The following ROS1 variants were observed in gnomAD, a reference collection of about 807,000 sequenced individuals.
ROS1 encodes the protein ROS proto-oncogene 1, receptor tyrosine kinase.
A neutral mutation model predicts 273.5 loss-of-function variants in ROS1; 263 were observed. That is an observed-to-expected ratio of 0.96 (90% CI 0.87 to 1.06). The LOEUF (loss-of-function observed/expected upper bound fraction) is 1.06, where lower values mean the gene tolerates loss of function less well. Among genes scored for constraint, ROS1 ranks in the 50% least tolerant of loss-of-function variants. ROS1 has a pLI of 0.00. For synonymous variants in ROS1, 1,008 were observed against 954.1 expected, an observed-to-expected ratio of 1.06 and a Z score of -1.04; for missense variants, 2,833 against 2,751.1, an observed-to-expected ratio of 1.03 and a Z score of -0.67.
At chr6:117,408,143 A>G (rs1464056163) in intron 5 of ROS1, among the ~76,000 whole-genome samples, 1 of 151,964 alleles carries the variant, frequency 6.6e-6, no homozygotes, top group African/African-American at 2.4e-5. Context: ...CATTCAGGAC[A>G]TAGGCATGGG....
In ROS1 at chr6:117,365,580, C is replaced by T. The variant is rs777434190; in HGVS notation, c.2958+1G>A. On this transcript the variant is annotated splice_donor_variant, in intron 20 of 43. Coordinates refer to ENST00000368507, the MANE Select transcript of ROS1 (RefSeq NM_001378902.1). LOFTEE classifies it high-confidence loss of function. ...GAAAGTTACTAGAACCAACACCATA[C>T]CTTAGAATGAGCACTAAATTCTACA... 1 of 1,612,250 alleles carries T rather than the reference C, an allele frequency of 6.2e-7. No individual in the cohort carries two copies. Among genetic ancestry groups the T allele is most frequent in the Non-Finnish European group, 8.5e-7 (1 of 1,178,344 alleles).
intron 37 of ROS1, among the ~76,000 whole-genome samples, chr6:117,318,560 T>C (rs1776074439): frequency 6.6e-6 from 1 of 152,158 alleles, no homozygotes; most frequent in African/African-American, 2.4e-5. Flanking sequence ...TTCTTTTCAA[T>C]ATGTTTTCTC....
intron 33 of ROS1, 86 bp from the exon 34 acceptor site, chr6:117,326,500 GC>G: frequency 2.5e-6 from 2 of 793,608 alleles, no homozygotes; most frequent in Non-Finnish European, 3.8e-6. Flanking sequence ...GTGACTGAAC[GC>G]CAGAGAGTGT....
Position 117,342,462 on chromosome 6 carries a change from T to A in ROS1, c.4589A>T (p.Tyr1530Phe), listed in dbSNP as rs1199837770. The A allele has an allele frequency of 1.9e-6, 3 of 1,610,764 alleles. No individual in the cohort carries two copies. Among genetic ancestry groups the A allele is most frequent in the Non-Finnish European group, 2.5e-6 (3 of 1,177,604 alleles). The change falls in exon 29 of 44, where the codon TAT becomes TTT. Residue 1530 changes from tyrosine (Y) to phenylalanine (F), a missense_variant. By Grantham distance (22) the Tyr-to-Phe change is conservative (BLOSUM62 3). Coordinates refer to ENST00000368507, the MANE Select transcript of ROS1 (RefSeq NM_001378902.1). ...YMIQIAVKNY[Y>F]SDPLEHLPPG... ...TGGTAAATGTTCCAAAGGATCTGAA[T>A]AATAATTTTTTACAGCTATCTGTAT...
intron 31 of ROS1, among the ~76,000 whole-genome samples, chr6:117,339,374 A>T (rs1400079880): frequency 6.6e-6 from 1 of 152,160 alleles, no homozygotes. Flanking sequence ...AGATAAGGAA[A>T]TTTTGACAGA....
chr6:117,418,508 T>C lies in ROS1; in HGVS notation c.124-2A>G, dbSNP rs1208227529. 5 of 1,599,192 alleles carry C rather than the reference T, an allele frequency of 3.1e-6. No individual in the cohort carries two copies. The African/African-American group carries it at 6.8e-5, about 22-fold the overall frequency. ...TGTGCCAAGGTCAAGCTGCTGGCCC[T>C]GAAATGAAGAAGGAGGTAGTAAACA... On this transcript the variant is annotated splice_acceptor_variant, in intron 1 of 43. Transcript: ENST00000368507. LOFTEE classifies it high-confidence loss of function.
At chr6:117,374,243 C>T (rs1429230538) in intron 18 of ROS1, among the ~76,000 whole-genome samples, 1 of 152,140 alleles carries the variant, frequency 6.6e-6, no homozygotes, top group African/African-American at 2.4e-5. Context: ...TCAAACTGTA[C>T]TATAAGGCTA....
chr6:117,294,250 G>A, intron 43 of ROS1, among the ~76,000 whole-genome samples: 1 of 152,078 alleles, frequency 6.6e-6, no homozygotes, highest in East Asian at 1.9e-4. Context: ...ACTAGAACAA[G>A]ACAAGGATGG....
chr6:117,404,478 C>G, intron 5 of ROS1, 50 bp from the exon 6 acceptor site: 1 of 1,568,140 alleles, frequency 6.4e-7, no homozygotes, highest in Non-Finnish European at 8.7e-7. Context: ...TCCATCAGCG[C>G]AAGAGAGTGT....
At chr6:117,360,878 T>C (rs938376138) in intron 22 of ROS1, among the ~76,000 whole-genome samples, 2 of 152,126 alleles carry the variant, frequency 1.3e-5, no homozygotes, top group Non-Finnish European at 2.9e-5. Flanking sequence ...GTACAAATTA[T>C]GATAAACTTC....
At position 117,425,771 on chromosome 6, in the gene ROS1, T is replaced by C; in HGVS notation, c.-115A>G. The C allele has an allele frequency of 8.7e-7, 1 of 1,146,648 alleles. No homozygotes were observed. 71.0% of individuals were successfully genotyped at this position (1,146,648 alleles called of 1,614,324 possible). ...GGAGTAGCTGATGGATTTTGCTTTG[T>C]TTGTTTTGCTATATTAGGATATACT... is the stretch of plus-strand genomic sequence containing the variant. On this transcript the variant is annotated 5_prime_UTR_variant, in exon 1 of 44. Transcript: ENST00000368507.
chr6:117,414,186 C>T (rs1294164628), intron 4 of ROS1, among the ~76,000 whole-genome samples: 1 of 152,076 alleles, frequency 6.6e-6, no homozygotes, highest in Non-Finnish European at 1.5e-5. Flanking sequence ...CTTCTCTCCC[C>T]TCCATTACCC....
intron 28 of ROS1, 98 bp downstream of exon 28, chr6:117,343,962 A>G: frequency 9.7e-7 from 1 of 1,035,676 alleles, no homozygotes; most frequent in Non-Finnish European, 1.4e-6. Context: ...GTACTAGTCC[A>G]TTTCAGAACA....
At chr6:117,324,108 T>C (rs933191359) in intron 35 of ROS1, among the ~76,000 whole-genome samples, 16 of 152,204 alleles carry the variant, frequency 1.1e-4, no homozygotes, top group Admixed American at 2.6e-4. Context: ...AAGTATAACA[T>C]GAAATGTACA....
At position 117,311,097 on chromosome 6, in the gene ROS1, G is replaced by C. The variant is rs751532443; in HGVS notation, c.6138C>G (p.Thr2046=). Residue 2046 remains threonine, a synonymous_variant, in exon 40 of 44, where the codon ACC becomes ACG. Transcript: ENST00000368507. The part of the protein sequence containing the change: ...RMATFYGPLL[T]LVDLVDLCVD... ...CACACAGGTCTACAAGGTCAACCAA[G>C]GTGAGTAAAGGACCATAAAACTGTA... is the stretch of plus-strand genomic sequence containing the variant. The C allele has an allele frequency of 1.9e-5, 30 of 1,606,892 alleles. No homozygotes were observed. Among genetic ancestry groups the C allele is most frequent in the Non-Finnish European group, 7.6e-6 (9 of 1,176,500 alleles).
intron 12 of ROS1, among the ~76,000 whole-genome samples, chr6:117,391,989 T>C (rs1051076775): frequency 5.9e-5 from 9 of 152,306 alleles, no homozygotes; most frequent in Admixed American, 1.3e-4. Context: ...CACAAATCCA[T>C]TTTATCCTAA....
At chr6:117,292,203 C>T (rs11756088) in intron 43 of ROS1, among the ~76,000 whole-genome samples, 8,578 of 152,134 alleles carry the variant, frequency 0.056, 429 homozygotes, top group East Asian at 0.22. Context: ...ATCTTCTGAC[C>T]TTGTGATCTG....
chr6:117,414,001 AGAGAAAGAGAGG>A (rs915167598), intron 4 of ROS1, among the ~76,000 whole-genome samples: 3 of 148,164 alleles, frequency 2.0e-5, no homozygotes, highest in Non-Finnish European at 4.4e-5. Flanking sequence ...AAAGAAAGAG[AGAGAAAGAGAGG>A]GAGAAAGAGA....
In ROS1 at chr6:117,288,329, T is replaced by C. The variant is rs1773577566; in HGVS notation, c.*163A>G. The C allele has an allele frequency of 3.0e-6, 2 of 664,996 alleles. No individual in the cohort carries two copies. Among genetic ancestry groups the C allele is most frequent in the Non-Finnish European group, 5.0e-6 (2 of 397,288 alleles). 41.2% of individuals were successfully genotyped at this position (664,996 alleles called of 1,614,324 possible). A position where few individuals can be genotyped will look rare whatever the true frequency, so the allele number is the denominator to read the frequency against. On this transcript the variant is annotated 3_prime_UTR_variant, in exon 44 of 44. Coordinates refer to ENST00000368507, the MANE Select transcript of ROS1 (RefSeq NM_001378902.1). ...CAGCTGGTATGGGGATTGCTACAAC[T>C]GAAACCAAATGGCTCTCAGAACCAA...
Sources: allele counts gnomAD v4.1 joint callset (sites outside exome capture counted in the v4.1 genomes callset), GRCh38; gene constraint gnomAD v4.1.1; transcripts MANE v1.5; gene names NCBI Gene and HGNC (gene_info 2026-07-23, HGNC 2026-07-21).